SYNE1: variants seen among roughly 807,000 people sequenced by gnomAD.
SYNE1 encodes nesprin-1.
In SYNE1, 616 loss-of-function variants were observed where a neutral mutation model predicts 1,111.0. That is an observed-to-expected ratio of 0.55 (90% confidence interval 0.52 to 0.59). The LOEUF (loss-of-function observed/expected upper bound fraction) is 0.59. Ranked by LOEUF, SYNE1 falls within the 20% of genes least tolerant of loss-of-function variation. The pLI is 0.00. For synonymous variants in SYNE1, 3,855 were observed against 3,825.8 expected (o/e 1.01, Z -0.28); for missense variants, 10,006 against 10,417.0 (o/e 0.96, Z 1.72).
chr6:152,151,474 A>G, intron 135 of SYNE1, 79 bp downstream of exon 135: 1 of 1,572,674 alleles, frequency 6.4e-7, no homozygotes, highest in African/African-American at 1.4e-5. Flanking sequence ...GTTATTTGCT[A>G]TGTTCTTCAC....
rs373048657 is a variant in SYNE1, at chr6:152,510,932, T to C, written c.402+79A>G. On this transcript the variant is annotated intron_variant, in intron 7 of 145. Transcript: ENST00000367255. Reference sequence around the variant, plus strand: ...GGATCAACCCCAAAGATATGGCAAATGAGAGCATTATTAAAATGGCCACCA... The same window carrying C: ...GGATCAACCCCAAAGATATGGCAAACGAGAGCATTATTAAAATGGCCACCA... 1.4e-5 allele frequency: 18 copies of C among 1,260,044 alleles called. No individual in the cohort carries two copies. In the Admixed American group the frequency reaches 1.5e-4, roughly 11 times the overall value. The allele number at this position is 1,260,044 out of a possible 1,614,324, so 78.1% of individuals were successfully genotyped here.
In SYNE1 at chr6:152,510,176, A is replaced by C. The variant is rs747720370; in HGVS notation, c.581+17T>G. On this transcript the variant is annotated intron_variant, in intron 8 of 145. Coordinates refer to ENST00000367255, the MANE Select transcript of SYNE1 (RefSeq NM_182961.4). ...CAATTTAACGGTTTCAAATTTAGAC[A>C]AACTCTTGATACTTACTTGCCAGCT... 1.1e-4 allele frequency: 174 copies of C among 1,613,308 alleles called. No individual in the cohort carries two copies. The highest frequency in any genetic ancestry group is 1.4e-4 in the Non-Finnish European group (165 of 1,179,466).
chr6:152,524,252 C>T (rs1246448647), intron 5 of SYNE1, among the ~76,000 whole-genome samples: 2 of 152,008 alleles, frequency 1.3e-5, no homozygotes, highest in East Asian at 3.9e-4. Context: ...GGCTTTTTAT[C>T]ATTAAAAGAT....
chr6:152,164,954 G>A (rs1057069961), intron 130 of SYNE1, among the ~76,000 whole-genome samples: 1 of 152,146 alleles, frequency 6.6e-6, no homozygotes, highest in Non-Finnish European at 1.5e-5. Context: ...TTGAAAATAT[G>A]TCAAGAGCAA....
chr6:152,521,104 G>A (rs193113296), intron 5 of SYNE1, among the ~76,000 whole-genome samples: 213 of 152,172 alleles, frequency 1.4e-3, no homozygotes, highest in Admixed American at 2.6e-3. Flanking sequence ...TTCTTAAAAA[G>A]AATGCTTAGT....
At chr6:152,140,759 T>C (rs2813480) in intron 139 of SYNE1, among the ~76,000 whole-genome samples, 53,885 of 151,524 alleles carry the variant, frequency 0.36, 10,455 homozygotes, top group African/African-American at 0.51. Context: ...GTTGGCCAGG[T>C]GTGGTGGCTC....
At chr6:152,515,664 C>T (rs1189729503) in intron 6 of SYNE1, among the ~76,000 whole-genome samples, 1 of 152,218 alleles carries the variant, frequency 6.6e-6, no homozygotes, top group Admixed American at 6.5e-5. Context: ...CATTCCTTTA[C>T]ATCACCTTTC....
chr6:152,416,902 C>A lies in SYNE1; in HGVS notation c.5535G>T (p.Lys1845Asn). ...RAEDLHLLQG[K>N]AEDCFQLFEE... ...CAAACAGCTGGAAGCAGTCCTCAGC[C>A]TTTCCCTGCAGGAGGTGGAGGTCCT... Residue 1845 changes from lysine (K) to asparagine (N), a missense_variant, in exon 41 of 146, where the codon AAG (lysine) becomes AAT (asparagine). Physicochemically the swap from Lys to Asn is moderately conservative, Grantham distance 94. Coordinates refer to ENST00000367255, the MANE Select transcript of SYNE1 (RefSeq NM_182961.4). 1 of 1,614,064 alleles carries A rather than the reference C, an allele frequency of 6.2e-7. No individual in the cohort carries two copies. Among genetic ancestry groups the A allele is most frequent in the Non-Finnish European group, 8.5e-7 (1 of 1,179,948 alleles).
At chr6:152,594,019 C>T (rs75907958) in intron 3 of SYNE1, among the ~76,000 whole-genome samples, 3,317 of 152,132 alleles carry the variant, frequency 0.022, 128 homozygotes, top group African/African-American at 0.076. Context: ...GATTCTTCCC[C>T]CACCCCCTGC....
chr6:152,328,899 AG>A (rs1021179267), intron 78 of SYNE1, among the ~76,000 whole-genome samples: 17 of 152,234 alleles, frequency 1.1e-4, no homozygotes, highest in Admixed American at 2.0e-4. Context: ...ATCCCCACAG[AG>A]GGGGTGAAGA....
intron 98 of SYNE1, among the ~76,000 whole-genome samples, chr6:152,276,443 C>T (rs2093631497): frequency 1.3e-5 from 2 of 151,872 alleles, no homozygotes; most frequent in South Asian, 4.1e-4. Flanking sequence ...TCCATTGCTT[C>T]TAAATAGTTT....
At chr6:152,237,506 G>A (rs2084482561) in intron 108 of SYNE1, among the ~76,000 whole-genome samples, 1 of 151,246 alleles carries the variant, frequency 6.6e-6, no homozygotes, top group South Asian at 2.1e-4. Context: ...TAGAGATGGG[G>A]GTCTCACTAT....
chr6:152,311,837 G>A (rs375231659), intron 87 of SYNE1, among the ~76,000 whole-genome samples: 2 of 151,754 alleles, frequency 1.3e-5, no homozygotes, highest in East Asian at 1.9e-4. Flanking sequence ...GTGCAGTGGC[G>A]CAATCTCAGC....
At chr6:152,372,107 C>T (rs2097201014) in intron 59 of SYNE1, among the ~76,000 whole-genome samples, 1 of 152,138 alleles carries the variant, frequency 6.6e-6, no homozygotes, top group Non-Finnish European at 1.5e-5. Flanking sequence ...AACTAGATAA[C>T]CTTGTAATCA....
Position 152,462,895 on chromosome 6 carries a change from T to G in SYNE1, c.2098-5A>C, listed in dbSNP as rs2098742586. 6.2e-7 allele frequency: 1 copy of G among 1,613,826 alleles called. No individual in the cohort carries two copies. The highest frequency in any genetic ancestry group is 8.5e-7 in the Non-Finnish European group (1 of 1,179,854). On this transcript the variant is annotated splice_region_variant and splice_polypyrimidine_tract_variant and intron_variant, in intron 19 of 145. Coordinates refer to ENST00000367255, the MANE Select transcript of SYNE1 (RefSeq NM_182961.4). ...CATCTCATCAGCTTGAGCATACTGTTAAGGAAAGGGAGGAGGGAACATCGT... is the reference window on the plus strand; with the variant it reads ...CATCTCATCAGCTTGAGCATACTGTGAAGGAAAGGGAGGAGGGAACATCGT...
rs1460835208 is a variant in SYNE1, at chr6:152,335,217, GAT to G, written c.12529-946_12529-945del. 3 of 152,112 alleles carry G rather than the reference GAT, an allele frequency of 2.0e-5. No individual in the cohort carries two copies. The East Asian group carries it at 5.8e-4, about 29-fold the overall frequency. 9.4% of individuals were successfully genotyped at this position (152,112 alleles called of 1,614,324 possible). On this transcript the variant is annotated intron_variant, in intron 76 of 145. Coordinates refer to ENST00000367255, the MANE Select transcript of SYNE1 (RefSeq NM_182961.4). ...AAAACACCTCTTAAATCCCCTGACT[GAT>G]ATATGAAATTTTGTCCTTAAAGCTA...
At chr6:152,466,854 A>C (rs1253202057) in intron 16 of SYNE1, among the ~76,000 whole-genome samples, 2 of 152,142 alleles carry the variant, frequency 1.3e-5, no homozygotes, top group African/African-American at 4.8e-5. Context: ...AAGGCTCTTT[A>C]ATTTCTTGCG....
At chr6:152,574,677 T>G (rs1031769309) in intron 3 of SYNE1, among the ~76,000 whole-genome samples, 1 of 152,204 alleles carries the variant, frequency 6.6e-6, no homozygotes, top group Non-Finnish European at 1.5e-5. Flanking sequence ...AAACCCCACT[T>G]GAAGGATATA....
At chr6:152,231,199 G>A (rs183314598) in intron 114 of SYNE1, among the ~76,000 whole-genome samples, 192 bp downstream of exon 114, 3 of 152,298 alleles carry the variant, frequency 2.0e-5, no homozygotes, top group Non-Finnish European at 4.4e-5. Flanking sequence ...AATATACAAA[G>A]AGCAGAGAAT....
Sources: gnomAD v4.1 joint callset for allele counts (sites outside exome capture counted in the v4.1 genomes callset) on GRCh38, gnomAD v4.1.1 for gene constraint, MANE v1.5 for transcripts, NCBI Gene and HGNC (gene_info 2026-07-23, HGNC 2026-07-21) for gene names.